CEP128: variants seen among roughly 807,000 people sequenced by gnomAD.
CEP128 encodes the protein centrosomal protein 128kDa.
Under a neutral mutation model 156.7 loss-of-function variants are expected in CEP128, and 132 were observed. The observed-to-expected ratio is 0.84, with a 90% CI of 0.73 to 0.97. The LOEUF is 0.97. CEP128 is among the 50% of genes least tolerant of loss of function. CEP128 has a pLI of 0.00. For missense variants in CEP128, 1,252 were observed against 1,281.9 expected, an observed-to-expected ratio of 0.98 and a Z score of 0.36; for synonymous variants, 469 against 448.9, an observed-to-expected ratio of 1.04 and a Z score of -0.57.
rs191928915 is a variant in CEP128 at position 80,937,043 on chromosome 14, C to T, written c.-16+2342G>A. Among the ~76,000 whole-genome samples the T allele has an allele frequency of 1.2e-3, 188 of 151,904 alleles. 2 individuals carry two copies. Among genetic ancestry groups the T allele is most frequent in the African/African-American group, 4.2e-3 (174 of 41,472 alleles). Reference sequence around the variant, plus strand: ...GTAAAAATAAATAATACGGGCCAGGCGCAGTGGCCCATGCCTGTAATCACA... The same window carrying T: ...GTAAAAATAAATAATACGGGCCAGGTGCAGTGGCCCATGCCTGTAATCACA... On this transcript the variant is annotated intron_variant, in intron 2 of 24. Transcript: ENST00000555265.
At chr14:80,900,384 T>A (rs902426777) in intron 6 of CEP128, among the ~76,000 whole-genome samples, 2 of 151,982 alleles carry the variant, frequency 1.3e-5, no homozygotes, top group African/African-American at 2.4e-5. Flanking sequence ...AAGGGCCCAA[T>A]AGCGACTATT....
chr14:80,498,726 T>C (rs1195843568), intron 24 of CEP128, among the ~76,000 whole-genome samples: 1 of 152,210 alleles, frequency 6.6e-6, no homozygotes, highest in Non-Finnish European at 1.5e-5. Flanking sequence ...CCAATCACCA[T>C]TTTAAATGAT....
chr14:80,501,569 A>G (rs1343722513), intron 24 of CEP128, among the ~76,000 whole-genome samples: 1 of 150,372 alleles, frequency 6.7e-6, no homozygotes, highest in East Asian at 2.0e-4. Context: ...CAGTGGCGTG[A>G]TCTTGGCTCA....
intron 19 of CEP128, among the ~76,000 whole-genome samples, chr14:80,583,223 A>T: frequency 6.6e-6 from 1 of 152,256 alleles, no homozygotes; most frequent in East Asian, 1.9e-4. Context: ...GGGATGGCTG[A>T]ATAAAAACAA....
chr14:80,877,173 G>A (rs529054588), intron 8 of CEP128, among the ~76,000 whole-genome samples: 5 of 151,534 alleles, frequency 3.3e-5, no homozygotes, highest in African/African-American at 1.2e-4. Flanking sequence ...GGAATAAAAA[G>A]ATATAATTAG....
intron 20 of CEP128, among the ~76,000 whole-genome samples, chr14:80,573,628 G>T (rs1461880409): frequency 2.6e-5 from 4 of 152,108 alleles, no homozygotes; most frequent in Non-Finnish European, 4.4e-5. Flanking sequence ...TACAATTTCA[G>T]TGGAATCCTT....
chr14:80,709,749 T>C (rs189433730), intron 19 of CEP128, among the ~76,000 whole-genome samples: 7 of 152,274 alleles, frequency 4.6e-5, no homozygotes, highest in African/African-American at 1.7e-4. Context: ...CTCATATGGG[T>C]TTTGACATTT....
At chr14:80,647,045 A>G (rs1297398693) in intron 19 of CEP128, among the ~76,000 whole-genome samples, 16,564 of 29,120 alleles carry the variant, frequency 0.57, 3,376 homozygotes, top group Admixed American at 0.59. Flanking sequence ...ATGTATATAT[A>G]TATATATATA....
downstream of CEP128, among the ~76,000 whole-genome samples, chr14:80,493,604 A>G (rs911682822): frequency 1.3e-5 from 2 of 152,206 alleles, no homozygotes; most frequent in African/African-American, 4.8e-5. Flanking sequence ...GGTTTTAGCC[A>G]TAAGAATGGC....
intron 19 of CEP128, among the ~76,000 whole-genome samples, chr14:80,650,604 TTTA>T (rs1894861486): frequency 6.6e-6 from 1 of 152,118 alleles, no homozygotes; most frequent in South Asian, 2.1e-4. Context: ...CAATACCTAG[TTTA>T]TTGAGAGTTT....
intron 6 of CEP128, among the ~76,000 whole-genome samples, chr14:80,491,436 A>G (rs1050883313): frequency 6.6e-6 from 1 of 152,128 alleles, no homozygotes; most frequent in Non-Finnish European, 1.5e-5. Flanking sequence ...AAAGAAAGAA[A>G]AAGTCCCTAG....
In CEP128 at chr14:80,756,811, A is replaced by G. The variant is rs1342144555; in HGVS notation, c.2613+81T>C. 1.1e-5 allele frequency: 10 copies of G among 907,758 alleles called. No homozygotes were observed. In the East Asian group the frequency reaches 2.5e-4, roughly 23 times the overall value. The allele number at this position is 907,758 out of a possible 1,614,324, so 56.2% of individuals were successfully genotyped here. A position where few individuals can be genotyped will look rare whatever the true frequency, so the allele number is the denominator to read the frequency against. On this transcript the variant is annotated intron_variant, in intron 18 of 24. Coordinates refer to ENST00000555265, the MANE Select transcript of CEP128 (RefSeq NM_152446.5). ...ATAGCTTCATATGTTCAGTTACATA[A>G]CAAAATAAATAGCTAAACCAAATAG...
intron 19 of CEP128, among the ~76,000 whole-genome samples, chr14:80,741,763 A>G (rs1013280298): frequency 6.6e-6 from 1 of 152,214 alleles, no homozygotes; most frequent in African/African-American, 2.4e-5. Context: ...AGAATCACAT[A>G]TAAATTAGTA....
rs1595108620 is a variant in CEP128, at chr14:80,624,910, T to A, written c.2807-44487A>T. On this transcript the variant is annotated intron_variant, in intron 19 of 24. Coordinates refer to ENST00000555265, the MANE Select transcript of CEP128 (RefSeq NM_152446.5). ...ATTATTTCCTTTGCTATGCAGAAAA[T>A]TTTCAGTTTGATATAGTCCGTTTTG... Among the ~76,000 whole-genome samples, 6 of 152,308 alleles carry A rather than the reference T, an allele frequency of 3.9e-5. No homozygotes were observed. In the Middle Eastern group the frequency reaches 0.02, roughly 518 times the overall value.
chr14:80,570,872 C>T (rs1891112538), intron 20 of CEP128, among the ~76,000 whole-genome samples: 1 of 152,018 alleles, frequency 6.6e-6, no homozygotes. Flanking sequence ...TTTTAACAGG[C>T]ATTAGGTAAC....
chr14:80,821,944 A>G (rs1461103922), intron 13 of CEP128, among the ~76,000 whole-genome samples: 1 of 86,762 alleles, frequency 1.2e-5, no homozygotes, highest in Non-Finnish European at 2.4e-5. Flanking sequence ...CGCAGACAAG[A>G]GAAAGGAGCT....
At chr14:80,717,547 T>C (rs1445851701) in intron 19 of CEP128, among the ~76,000 whole-genome samples, 1 of 151,948 alleles carries the variant, frequency 6.6e-6, no homozygotes, top group East Asian at 1.9e-4. Flanking sequence ...TAGAGCACCA[T>C]CCCAAAGAAG....
At chr14:80,693,272 C>G (rs1234427894) in intron 19 of CEP128, among the ~76,000 whole-genome samples, 2 of 152,154 alleles carry the variant, frequency 1.3e-5, no homozygotes, top group Non-Finnish European at 2.9e-5. Context: ...GATTTCCTTT[C>G]TACTGCTAGT....
In CEP128 at chr14:80,834,435, C is replaced by A. The variant is rs534031232; in HGVS notation, c.1057+1770G>T. Among the ~76,000 whole-genome samples the A allele has an allele frequency of 2.0e-5, 3 of 152,238 alleles. No individual in the cohort carries two copies. In the South Asian group the frequency reaches 6.2e-4, roughly 32 times the overall value. ...CAATTTTACAAATACAGGTGGAACC[C>A]ATTTTGCAGTGGGCAGAGGAAGAAA... On this transcript the variant is annotated intron_variant, in intron 12 of 24. Transcript: ENST00000555265.
Sources: gnomAD v4.1 joint callset for allele counts (sites outside exome capture counted in the v4.1 genomes callset) on GRCh38, gnomAD v4.1.1 for gene constraint, MANE v1.5 for transcripts, NCBI Gene and HGNC (gene_info 2026-07-23, HGNC 2026-07-21) for gene names.